Variants in PAQR6 observed in about 807,000 individuals in gnomAD.
PAQR6 encodes the protein membrane progestin receptor delta.
Under a neutral mutation model 36.2 loss-of-function variants are expected in PAQR6, and 34 were observed. The observed-to-expected ratio is 0.94, with a 90% CI of 0.71 to 1.25. The LOEUF (loss-of-function observed/expected upper bound fraction) is 1.25, where lower values mean the gene tolerates loss of function less well. Ranked by LOEUF, PAQR6 falls within the 50% of genes most tolerant of loss-of-function variation. PAQR6 has a pLI of 0.00. For missense variants in PAQR6, 431 were observed against 445.7 expected, an observed-to-expected ratio of 0.97 and a Z score of 0.30; for synonymous variants, 190 against 190.7, an observed-to-expected ratio of 1.00 and a Z score of 0.03.
chr1:156,245,602 G>GCAGGTGGCCGTGCAGC lies in PAQR6; in HGVS notation c.429_444dup (p.His149AlafsTer39). The stretch of plus-strand genomic sequence containing the variant: ...GCGGCGGCAGGCACAAAGAACTGGT[G>GCAGGTGGCCGTGCAGC]CAGGTGGCCGTGCAGCCAGGAGGCC... On this transcript the variant is annotated frameshift_variant, in exon 5 of 8. Coordinates refer to ENST00000292291, the MANE Select transcript of PAQR6 (RefSeq NM_198406.3). LOFTEE classifies it high-confidence loss of function. The GCAGGTGGCCGTGCAGC allele has an allele frequency of 6.2e-7, 1 of 1,613,220 alleles. No individual in the cohort carries two copies. Among genetic ancestry groups the GCAGGTGGCCGTGCAGC allele is most frequent in the Non-Finnish European group, 8.5e-7 (1 of 1,180,024 alleles).
In PAQR6 at chr1:156,243,947, ACT is replaced by A. The variant is rs1243034683; in HGVS notation, c.*180_*181del. The A allele has an allele frequency of 1.2e-6, 2 of 1,613,128 alleles. No homozygotes were observed. Among genetic ancestry groups the A allele is most frequent in the South Asian group, 1.1e-5 (1 of 91,016 alleles). ...AGAGCCCCCTCACGGTCCCTCTCAC[ACT>A]CTGCCAGTCCCCCTAGACACCCCTC... is the stretch of plus-strand genomic sequence containing the variant. On this transcript the variant is annotated 3_prime_UTR_variant, in exon 8 of 8. Coordinates refer to ENST00000292291, the MANE Select transcript of PAQR6 (RefSeq NM_198406.3).
intron 5 of PAQR6, 71 bp downstream of exon 5, chr1:156,245,464 A>G: frequency 6.3e-7 from 1 of 1,586,090 alleles, no homozygotes; most frequent in Non-Finnish European, 8.6e-7. Context: ...GTGCTGTTCG[A>G]GAGCAGTGAG....
chr1:156,247,764 C>A (rs1030916211), intron 1 of PAQR6, 193 bp downstream of exon 1: 27 of 274,264 alleles, frequency 9.8e-5, no homozygotes, highest in African/African-American at 5.9e-4. Flanking sequence ...TGAGTGCTGC[C>A]CATCTATCTG....
intron 7 of PAQR6, 155 bp downstream of exon 7, chr1:156,244,606 C>A: frequency 6.8e-7 from 1 of 1,479,550 alleles, no homozygotes; most frequent in South Asian, 1.4e-5. Context: ...GTGGAGGACC[C>A]TTCCAGTGAT....
At chr1:156,246,095 C>T (rs1272687191) in intron 3 of PAQR6, 28 bp downstream of exon 3, 2 of 1,608,354 alleles carry the variant, frequency 1.2e-6, no homozygotes, top group Admixed American at 3.3e-5. Flanking sequence ...AGCTCAAGGC[C>T]GCGGCCTGGG....
Position 156,244,902 on chromosome 1 carries a change from A to G in PAQR6, c.619T>C (p.Cys207Arg). ...CCACAGCCGTGGCCCCTGCCCCAGC[A>G]CAGCCCGAGCTGTCAAAGGAAAACC... ...NLPLFYRLGLCWGRGHGCGQE... is the reference protein window; with the variant it reads ...NLPLFYRLGLRWGRGHGCGQE... Residue 207 changes from cysteine (C) to arginine (R), a missense_variant, in exon 7 of 8, where the codon TGC becomes CGC. Physicochemically the swap from Cys to Arg is radical, Grantham distance 180. Coordinates refer to ENST00000292291, the MANE Select transcript of PAQR6 (RefSeq NM_198406.3). The G allele has an allele frequency of 2.5e-6, 4 of 1,612,706 alleles. No homozygotes were observed. Among genetic ancestry groups the G allele is most frequent in the Non-Finnish European group, 3.4e-6 (4 of 1,179,854 alleles).
chr1:156,247,347 G>A (rs918209442), intron 1 of PAQR6, among the ~76,000 whole-genome samples: 1 of 152,208 alleles, frequency 6.6e-6, no homozygotes, highest in Non-Finnish European at 1.5e-5. Flanking sequence ...CCCCAGACCT[G>A]TGCACTGCCT....
chr1:156,246,775 G>A lies in PAQR6; in HGVS notation c.-25-19C>T. 1 of 1,599,234 alleles carries A rather than the reference G, an allele frequency of 6.3e-7. No homozygotes were observed. The highest frequency in any genetic ancestry group is 2.2e-5 in the East Asian group (1 of 44,554). The stretch of plus-strand genomic sequence containing the variant: ...CGTTGACCTAGAGACAGAGTGGGAG[G>A]TAGGGGATCAGATAACTGCCCCCAT... On this transcript the variant is annotated intron_variant, in intron 1 of 7. Coordinates refer to ENST00000292291, the MANE Select transcript of PAQR6 (RefSeq NM_198406.3).
chr1:156,244,583 T>C (rs1449223923), intron 7 of PAQR6, 178 bp downstream of exon 7: 2 of 1,436,346 alleles, frequency 1.4e-6, no homozygotes, highest in Admixed American at 2.6e-5. Flanking sequence ...TTTTGCTACC[T>C]GAGAAGTGGC....
In PAQR6 at chr1:156,244,204, C is replaced by A. The variant is rs1187049026; in HGVS notation, c.960G>T (p.Leu320=). Residue 320 remains leucine, a synonymous_variant, in exon 8 of 8, where the codon CTG becomes CTT. Transcript: ENST00000292291. ...GAGGGCATGTACTGGGGGCCCGAAG[C>A]AGGGTGGCTGTGAAAGCAGCAATAA... The part of the protein sequence containing the change: ...LLIIAAFTAT[L]LRAPSTCPLL... 6.2e-7 allele frequency: 1 copy of A among 1,613,234 alleles called. No individual in the cohort carries two copies. The highest frequency in any genetic ancestry group is 1.1e-5 in the South Asian group (1 of 91,012).
intron 1 of PAQR6, 99 bp downstream of exon 1, chr1:156,247,858 G>T (rs1660899088): frequency 5.4e-6 from 2 of 369,110 alleles, no homozygotes; most frequent in Non-Finnish European, 1.1e-5. Context: ...CTCTGGAGTG[G>T]AGTGTGTGCA....
Position 156,245,220 on chromosome 1 carries a change from G to T in PAQR6, c.531C>A (p.Ser177Arg). Residue 177 changes from serine to arginine, a missense_variant, in exon 6 of 8, where the codon AGC becomes AGA. Coordinates refer to ENST00000292291, the MANE Select transcript of PAQR6 (RefSeq NM_198406.3). ...TGCGGAGGACCTTACTGAGCCCAGG[G>T]CTTTCCAGCTCCAGGAAACTGGGAG... ...SCYSRFLELESPGLSKVLRTG... is the reference protein window; with the variant it reads ...SCYSRFLELERPGLSKVLRTG... 6.2e-7 allele frequency: 1 copy of T among 1,614,134 alleles called. No homozygotes were observed. Among genetic ancestry groups the T allele is most frequent in the Non-Finnish European group, 8.5e-7 (1 of 1,180,000 alleles).
intron 2 of PAQR6, 106 bp from the exon 3 acceptor site, chr1:156,246,356 G>A: frequency 1.8e-6 from 2 of 1,085,214 alleles, no homozygotes; most frequent in South Asian, 1.5e-5. Flanking sequence ...AGATCAACGT[G>A]GCCCCCAAGC....
At chr1:156,244,639 G>GAAGT (rs1659948605) in intron 7 of PAQR6, 122 bp downstream of exon 7, 1 of 1,557,024 alleles carries the variant, frequency 6.4e-7, no homozygotes. Context: ...GGAAGACAGG[G>GAAGT]AAGTCCCTCC....
rs566068981 is a variant in PAQR6, at chr1:156,244,626, A to G, written c.760+135T>C. On this transcript the variant is annotated intron_variant, in intron 7 of 7. Coordinates refer to ENST00000292291, the MANE Select transcript of PAQR6 (RefSeq NM_198406.3). ...GGACCCTTCCAGTGATGCTCTCGTT[A>G]TAGGAAGACAGGGAAGTCCCTCCTA... The G allele has an allele frequency of 3.6e-5, 55 of 1,523,844 alleles. 1 individual carries two copies. The East Asian group carries it at 8.0e-4, about 22-fold the overall frequency. The allele number at this position is 1,523,844 out of a possible 1,614,324, so 94.4% of individuals were successfully genotyped here.
Position 156,244,776 on chromosome 1 carries a change from G to A in PAQR6, c.745C>T (p.Arg249Cys), listed in dbSNP as rs762094455. Residue 249 changes from arginine (R) to cysteine (C), a missense_variant, in exon 7 of 8, where the codon CGC becomes TGC. Coordinates refer to ENST00000292291, the MANE Select transcript of PAQR6 (RefSeq NM_198406.3). ...SHLPERLAPG[R>C]FDYIGHSHQL... ...GTGCCCTCACCGATGTAATCAAAGCGTCCTGGTGCCAGCCTTTCAGGCAGG... is the reference window on the plus strand; with the variant it reads ...GTGCCCTCACCGATGTAATCAAAGCATCCTGGTGCCAGCCTTTCAGGCAGG... 12 of 1,613,652 alleles carry A rather than the reference G, an allele frequency of 7.4e-6. No homozygotes were observed. The highest frequency in any genetic ancestry group is 4.5e-5 in the East Asian group (2 of 44,892).
Position 156,243,579 on chromosome 1 carries a change from C to T in PAQR6, c.*550G>A, listed in dbSNP as rs1659651159. 2.0e-6 allele frequency: 1 copy of T among 494,000 alleles called. No individual in the cohort carries two copies. Among genetic ancestry groups the T allele is most frequent in the Admixed American group, 3.5e-5 (1 of 28,426 alleles). 30.6% of individuals were successfully genotyped at this position (494,000 alleles called of 1,614,324 possible). On this transcript the variant is annotated 3_prime_UTR_variant, in exon 8 of 8. Transcript: ENST00000292291. ...TAATGCACCCAGATAGGCCCACCCC[C>T]AAAAGCCTGGACACCTTGAGCACAC...
At position 156,245,183 on chromosome 1, in the gene PAQR6, C is replaced by CGAA; in HGVS notation, c.565_567dup (p.Phe189dup). 6.2e-7 allele frequency: 1 copy of CGAA among 1,614,064 alleles called. No individual in the cohort carries two copies. The highest frequency in any genetic ancestry group is 1.7e-5 in the Admixed American group (1 of 60,004). On this transcript the variant is annotated inframe_insertion, in exon 6 of 8. Coordinates refer to ENST00000292291, the MANE Select transcript of PAQR6 (RefSeq NM_198406.3). Reference sequence around the variant, plus strand: ...AGGTTGTCGAACAGGAATGGATAGGCGAAGGCTCCTGTGCGGAGGACCTTA... The same window carrying CGAA: ...AGGTTGTCGAACAGGAATGGATAGGCGAAGAAGGCTCCTGTGCGGAGGACCTTA...
Position 156,243,749 on chromosome 1 carries a change from G to T in PAQR6, c.*380C>A. ...TTCAGGGTAGGCCTAGGTTAGTCGT[G>T]TTAGTTCTTCCCTGTGCTGAGCAGA... is the stretch of plus-strand genomic sequence containing the variant. On this transcript the variant is annotated 3_prime_UTR_variant, in exon 8 of 8. Transcript: ENST00000292291. 1 of 1,330,356 alleles carries T rather than the reference G, an allele frequency of 7.5e-7. No individual in the cohort carries two copies. 82.4% of individuals were successfully genotyped at this position (1,330,356 alleles called of 1,614,324 possible). A position where few individuals can be genotyped will look rare whatever the true frequency, so the allele number is the denominator to read the frequency against.
Sources: gnomAD v4.1 joint callset for allele counts (sites outside exome capture counted in the v4.1 genomes callset) on GRCh38, gnomAD v4.1.1 for gene constraint, MANE v1.5 for transcripts, NCBI Gene and HGNC (gene_info 2026-07-23, HGNC 2026-07-21) for gene names.